ABCE1: variants seen among roughly 807,000 people sequenced by gnomAD.
ABCE1 encodes the protein ATP-binding cassette sub-family E member 1.
In ABCE1, 22 loss-of-function variants were observed where a neutral mutation model predicts 83.4. The ratio of observed to expected loss-of-function variants is 0.26; its 90% confidence interval spans 0.19 to 0.38. The LOEUF is 0.38. Ranked by LOEUF, ABCE1 falls within the 10% of genes least tolerant of loss-of-function variation. ABCE1 has a pLI of 1.00. For missense variants in ABCE1, 330 were observed against 721.9 expected, an observed-to-expected ratio of 0.46 and a Z score of 6.22; for synonymous variants, 204 against 233.7, an observed-to-expected ratio of 0.87 and a Z score of 1.16.
At chr4:145,123,187 A>C in intron 14 of ABCE1, 28 bp from the exon 15 acceptor site, 2 of 1,596,152 alleles carry the variant, frequency 1.3e-6, no homozygotes, top group Non-Finnish European at 1.7e-6. Flanking sequence ...GGATGCCTTT[A>C]CATGGTTTGC....
intron 1 of ABCE1, among the ~76,000 whole-genome samples, chr4:145,103,895 G>C (rs1749222189): frequency 6.6e-6 from 1 of 151,558 alleles, no homozygotes; most frequent in East Asian, 1.9e-4. Flanking sequence ...CGGAATAGCT[G>C]GGACCGCAGG....
Position 145,123,865 on chromosome 4 carries a change from A to T in ABCE1, c.1640+265A>T, listed in dbSNP as rs551113284. The T allele has an allele frequency of 6.0e-5, 14 of 235,022 alleles. No homozygotes were observed. The East Asian group carries it at 1.1e-3, about 19-fold the overall frequency. 14.6% of individuals were successfully genotyped at this position (235,022 alleles called of 1,614,324 possible). A position where few individuals can be genotyped will look rare whatever the true frequency, so the allele number is the denominator to read the frequency against. The stretch of plus-strand genomic sequence containing the variant: ...TGGGCCCCTCACCTTTTCTCAGCTT[A>T]ACTTTTGTTTGCTTTATTATTTGAA... On this transcript the variant is annotated intron_variant, in intron 16 of 17. Coordinates refer to ENST00000296577, the MANE Select transcript of ABCE1 (RefSeq NM_002940.3).
chr4:145,113,477 A>G (rs1282849101), intron 9 of ABCE1, among the ~76,000 whole-genome samples: 2 of 152,184 alleles, frequency 1.3e-5, no homozygotes, highest in African/African-American at 4.8e-5. Context: ...TACATAGCAG[A>G]AGCAACGAAC....
rs34892429 is a variant in ABCE1 at position 145,129,486 on chromosome 4, A to G, written c.*1913A>G. The stretch of plus-strand genomic sequence containing the variant: ...ATTATACTACCATTTTTGTGAAAAT[A>G]TACAAAATATTGAAATAAAGGAATA... On this transcript the variant is annotated 3_prime_UTR_variant, in exon 18 of 18. Transcript: ENST00000296577. Among the ~76,000 whole-genome samples the G allele has an allele frequency of 1.1e-4, 17 of 152,338 alleles. No individual in the cohort carries two copies. Among genetic ancestry groups the G allele is most frequent in the African/African-American group, 4.1e-4 (17 of 41,580 alleles).
At chr4:145,103,778 T>TG in intron 1 of ABCE1, among the ~76,000 whole-genome samples, 1 of 151,246 alleles carries the variant, frequency 6.6e-6, no homozygotes, top group East Asian at 1.9e-4. Flanking sequence ...TTTTTTTTTT[T>TG]TTTGAGACTG....
intron 9 of ABCE1, among the ~76,000 whole-genome samples, chr4:145,115,456 A>G (rs946992680): frequency 2.0e-5 from 3 of 151,886 alleles, no homozygotes; most frequent in Non-Finnish European, 4.4e-5. Context: ...ATTGATAATT[A>G]CCACCATTGT....
chr4:145,104,425 T>G lies in ABCE1; in HGVS notation c.13T>G (p.Leu5Val). The change falls in exon 2 of 18, where the codon TTA becomes GTA. Residue 5 changes from leucine to valine, a missense_variant. Leu to Val is a conservative substitution (Grantham distance 32). Transcript: ENST00000296577. ...CTTTCGCCCAGTTATGGCAGACAAG[T>G]TAACGAGAATTGCTATTGTCAACCA... Reference protein sequence around the residue: MADKLTRIAIVNHDK... With the variant: MADKVTRIAIVNHDK... The G allele has an allele frequency of 1.2e-6, 2 of 1,600,534 alleles. No individual in the cohort carries two copies. Among genetic ancestry groups the G allele is most frequent in the Non-Finnish European group, 1.7e-6 (2 of 1,174,144 alleles).
intron 17 of ABCE1, among the ~76,000 whole-genome samples, chr4:145,127,201 A>C (rs1182677905): frequency 6.6e-6 from 1 of 152,212 alleles, no homozygotes; most frequent in Non-Finnish European, 1.5e-5. Flanking sequence ...CTGGAGATAA[A>C]AGTTGCATTG....
intron 10 of ABCE1, among the ~76,000 whole-genome samples, chr4:145,118,674 C>G (rs916363816): frequency 6.6e-6 from 1 of 151,776 alleles, no homozygotes; most frequent in Non-Finnish European, 1.5e-5. Context: ...AAAGGCTGTG[C>G]CATTCAGTAA....
chr4:145,121,514 C>A, intron 13 of ABCE1, 123 bp downstream of exon 13: 1 of 697,148 alleles, frequency 1.4e-6, no homozygotes, highest in South Asian at 1.9e-5. Context: ...TTGATAGTTG[C>A]AAACAAATGT....
At chr4:145,125,137 G>C (rs771503544) in intron 17 of ABCE1, 36 bp downstream of exon 17, 11 of 1,400,514 alleles carry the variant, frequency 7.9e-6, no homozygotes, top group African/African-American at 1.4e-5. Flanking sequence ...ATGGATTACT[G>C]ATCTCAGTAT....
intron 1 of ABCE1, among the ~76,000 whole-genome samples, chr4:145,098,892 C>T (rs1748995083): frequency 6.6e-6 from 1 of 152,236 alleles, no homozygotes; most frequent in Admixed American, 6.5e-5. Context: ...GTCATGGCAT[C>T]TTGCCGCCAT....
intron 6 of ABCE1, 48 bp from the exon 7 acceptor site, chr4:145,110,327 T>C: frequency 6.2e-7 from 1 of 1,602,430 alleles, no homozygotes; most frequent in East Asian, 2.2e-5. Flanking sequence ...TTGTGATTCT[T>C]TTTAATATTG....
chr4:145,105,520 T>G (rs1341788511), intron 2 of ABCE1, 85 bp from the exon 3 acceptor site: 1 of 900,990 alleles, frequency 1.1e-6, no homozygotes, highest in Non-Finnish European at 1.7e-6. Context: ...GTATGGAAAT[T>G]TAGAACCAGC....
Position 145,112,234 on chromosome 4 carries a change from CA to C in ABCE1, c.711-4del. On this transcript the variant is annotated splice_polypyrimidine_tract_variant and splice_region_variant and intron_variant, in intron 8 of 17. Coordinates refer to ENST00000296577, the MANE Select transcript of ABCE1 (RefSeq NM_002940.3). ...ATATTTGCTTTTTTTTTTTTTTTTT[CA>C]TAGTTTCATGTTTGATGAGCCTTCT... 2 of 791,582 alleles carry C rather than the reference CA, an allele frequency of 2.5e-6. No individual in the cohort carries two copies. Among genetic ancestry groups the C allele is most frequent in the Admixed American group, 4.8e-5 (1 of 21,024 alleles). 49.0% of individuals were successfully genotyped at this position (791,582 alleles called of 1,614,324 possible).
At chr4:145,119,862 A>T in intron 10 of ABCE1, 70 bp from the exon 11 acceptor site, 1 of 1,110,590 alleles carries the variant, frequency 9.0e-7, no homozygotes, top group Non-Finnish European at 1.3e-6. Flanking sequence ...TAGTCTATAG[A>T]TTGCTCCCAA....
chr4:145,112,434 C>A, intron 9 of ABCE1, 106 bp downstream of exon 9: 2 of 829,942 alleles, frequency 2.4e-6, no homozygotes, highest in Non-Finnish European at 3.7e-6. Flanking sequence ...TATTTTTTAT[C>A]TTGGTTGTTT....
rs770581435 is a variant in ABCE1 at position 145,105,635 on chromosome 4, G to A, written c.134G>A (p.Ser45Asn). The A allele has an allele frequency of 1.1e-5, 17 of 1,607,942 alleles. No individual in the cohort carries two copies. The highest frequency in any genetic ancestry group is 1.4e-5 in the Non-Finnish European group (17 of 1,176,194). The change falls in exon 3 of 18, where the codon AGC (serine) becomes AAC (asparagine). Residue 45 changes from serine to asparagine, a missense_variant. Ser to Asn is a conservative substitution (Grantham distance 46). Coordinates refer to ENST00000296577, the MANE Select transcript of ABCE1 (RefSeq NM_002940.3). ...TTATGCATAGAGGTTACACCCCAGA[G>A]CAAAATAGCATGGATTTCCGAAACT... The part of the protein sequence containing the change: ...GKLCIEVTPQ[S>N]KIAWISETLC...
At chr4:145,125,529 A>G (rs1322889206) in intron 17 of ABCE1, among the ~76,000 whole-genome samples, 1 of 152,180 alleles carries the variant, frequency 6.6e-6, no homozygotes, top group East Asian at 1.9e-4. Flanking sequence ...TGTTTTTTAC[A>G]TTTTAAGACC....
Sources: gnomAD v4.1 joint callset for allele counts (sites outside exome capture counted in the v4.1 genomes callset) on GRCh38, gnomAD v4.1.1 for gene constraint, MANE v1.5 for transcripts, NCBI Gene and HGNC (gene_info 2026-07-23, HGNC 2026-07-21) for gene names.